Variants in SH2D6 observed in about 807,000 individuals in gnomAD.
The protein encoded by SH2D6 is SH2 domain-containing protein 6.
A neutral mutation model predicts 30.2 loss-of-function variants in SH2D6; 31 were observed. That is an observed-to-expected ratio of 1.03 (90% confidence interval 0.77 to 1.38). The LOEUF (loss-of-function observed/expected upper bound fraction) is 1.38, where lower values mean the gene tolerates loss of function less well. SH2D6 is among the 40% of genes most tolerant of loss of function. The pLI is 0.00. For missense variants in SH2D6, 240 were observed against 266.8 expected (o/e 0.90, Z 0.70); for synonymous variants, 93 against 104.6 (o/e 0.89, Z 0.68).
chr2:85,433,549 CA>C (rs1041554285), intron 15 of SH2D6, 21 bp from the exon 16 acceptor site: 1 of 993,468 alleles, frequency 1.0e-6, no homozygotes, highest in Non-Finnish European at 1.2e-6. Flanking sequence ...CCCATGGTCT[CA>C]CACACCCCTC....
chr2:85,432,692 G>A (rs1207854511), intron 14 of SH2D6, among the ~76,000 whole-genome samples: 2 of 151,950 alleles, frequency 1.3e-5, no homozygotes, highest in African/African-American at 4.8e-5. Flanking sequence ...GAGCCACCGC[G>A]CCCGGCCGAA....
rs751255189 is a variant in SH2D6, at chr2:85,436,537, C to T, written c.963C>T (p.Ser321=). The T allele has an allele frequency of 2.9e-5, 47 of 1,613,602 alleles. No homozygotes were observed. The highest frequency in any genetic ancestry group is 3.8e-5 in the Non-Finnish European group (45 of 1,179,964). ...WHPLPLVDRH[S]GSRELTCLLF... ...CTCTGCCCCTTGTGGACAGACACAG[C>T]GGCAGCCGGGAACTCACCTGCCTGC... The change falls in exon 23 of 24, where the codon AGC becomes AGT. Residue 321 remains serine (S), a synonymous_variant. Transcript: ENST00000469800.
In SH2D6 at chr2:85,418,875, C is replaced by G. The variant is rs1687647438; in HGVS notation, c.-848C>G. 6.6e-6 allele frequency: 1 copy of G among 152,500 alleles called. No individual in the cohort carries two copies. Among genetic ancestry groups the G allele is most frequent in the African/African-American group, 2.4e-5 (1 of 41,476 alleles). 9.4% of individuals were successfully genotyped at this position (152,500 alleles called of 1,614,324 possible). A position where few individuals can be genotyped will look rare whatever the true frequency, so the allele number is the denominator to read the frequency against. ...CACGCGCCCCTCTGCCCTGGAGTCG[C>G]TGGTCCGAGCCCTCCTTCTCTGCGA... On this transcript the variant is annotated 5_prime_UTR_variant, in exon 1 of 24. Coordinates refer to ENST00000469800, the MANE Select transcript of SH2D6 (RefSeq NM_001394463.1).
intron 6 of SH2D6, among the ~76,000 whole-genome samples, chr2:85,425,972 G>A (rs1688014448): frequency 1.3e-5 from 2 of 152,194 alleles, no homozygotes; most frequent in African/African-American, 4.8e-5. Context: ...TCTGCAATTG[G>A]AAACGAGGAT....
At chr2:85,434,707 C>T (rs1469418229) in intron 19 of SH2D6, 4 of 1,402,450 alleles carry the variant, frequency 2.9e-6, no homozygotes, top group Non-Finnish European at 3.8e-6. Flanking sequence ...CCCAGCCCTG[C>T]AGGCCAGACT....
chr2:85,434,200 C>T (rs1480566908), intron 17 of SH2D6, 89 bp downstream of exon 17: 4 of 1,519,218 alleles, frequency 2.6e-6, no homozygotes, highest in Non-Finnish European at 3.6e-6. Context: ...CCAGCCCTGA[C>T]CCTGGGATGG....
rs1043780229 is a variant in SH2D6 at position 85,430,005 on chromosome 2, C to A, written c.54C>A (p.Pro18=). 6.5e-6 allele frequency: 1 copy of A among 152,752 alleles called. No homozygotes were observed. Among genetic ancestry groups the A allele is most frequent in the Admixed American group, 6.5e-5 (1 of 15,288 alleles). 9.5% of individuals were successfully genotyped at this position (152,752 alleles called of 1,614,324 possible). The change falls in exon 10 of 24, where the codon CCC becomes CCA. Residue 18 remains proline (P), a synonymous_variant. Coordinates refer to ENST00000469800, the MANE Select transcript of SH2D6 (RefSeq NM_001394463.1). This position sits in a 1 kb window ranked among gnomAD's most constrained non-coding sequence, Gnocchi z 4.3. ...GGCTGGGGCCACCGCTCCCACCCCC[C>A]AGATGTGTGGGTAAGTGACACAGGG... is the stretch of plus-strand genomic sequence containing the variant. The part of the protein sequence containing the change: ...RPRLGPPLPP[P]RCVDSPGWRE...
At chr2:85,435,172 G>A (rs1158894448) in intron 20 of SH2D6, 49 bp downstream of exon 20, 1 of 1,571,614 alleles carries the variant, frequency 6.4e-7, no homozygotes. Context: ...CGGGAGCAGA[G>A]CCTGAGAGTC....
At position 85,435,178 on chromosome 2, in the gene SH2D6, G is replaced by A. The variant is rs1263126887; in HGVS notation, c.648+55G>A. On this transcript the variant is annotated intron_variant, in intron 20 of 23. Coordinates refer to ENST00000469800, the MANE Select transcript of SH2D6 (RefSeq NM_001394463.1). Reference sequence around the variant, plus strand: ...GAGAGGTTCCGGGAGCAGAGCCTGAGAGTCCTTACCCAGGAACCCTCTTGG... The same window carrying A: ...GAGAGGTTCCGGGAGCAGAGCCTGAAAGTCCTTACCCAGGAACCCTCTTGG... The A allele has an allele frequency of 3.2e-5, 50 of 1,562,872 alleles. 1 individual carries two copies. The Admixed American group carries it at 8.8e-4, about 27-fold the overall frequency.
intron 2 of SH2D6, among the ~76,000 whole-genome samples, 192 bp downstream of exon 2, chr2:85,419,436 A>G (rs1364732401): frequency 6.6e-6 from 1 of 152,216 alleles, no homozygotes; most frequent in Non-Finnish European, 1.5e-5. Flanking sequence ...CCAGGAACTC[A>G]GGGTCCGGCC....
At chr2:85,432,480 G>A (rs71411823) in intron 14 of SH2D6, among the ~76,000 whole-genome samples, 1,618 of 151,522 alleles carry the variant, frequency 0.011, 22 homozygotes, top group Non-Finnish European at 0.017. Flanking sequence ...GCTCACTGCA[G>A]GCTCCGCCCC....
Position 85,436,460 on chromosome 2 carries a change from G to A in SH2D6, c.892-6G>A, listed in dbSNP as rs1480759064. On this transcript the variant is annotated splice_polypyrimidine_tract_variant and splice_region_variant and intron_variant, in intron 22 of 23. Coordinates refer to ENST00000469800, the MANE Select transcript of SH2D6 (RefSeq NM_001394463.1). ...GGACTCACGGATGCCCTGCCTCCCT[G>A]GCCAGCTCTTCTCCTCCGTGGCGGC... 1 of 1,612,602 alleles carries A rather than the reference G, an allele frequency of 6.2e-7. No homozygotes were observed.
chr2:85,434,635 A>AC, intron 19 of SH2D6, 138 bp downstream of exon 19: 2 of 1,249,890 alleles, frequency 1.6e-6, no homozygotes, highest in South Asian at 1.5e-5. Flanking sequence ...AAAAAAAAAA[A>AC]CTAGGTGAAT....
At chr2:85,423,655 T>C (rs1167328590) in intron 5 of SH2D6, among the ~76,000 whole-genome samples, 4 of 152,196 alleles carry the variant, frequency 2.6e-5, no homozygotes, top group African/African-American at 9.7e-5. Flanking sequence ...CAGAGGCCTC[T>C]CCTAGGGAGC....
chr2:85,423,743 A>G (rs372979878), intron 5 of SH2D6, among the ~76,000 whole-genome samples: 1 of 152,254 alleles, frequency 6.6e-6, no homozygotes, highest in East Asian at 1.9e-4. Flanking sequence ...GACCTGTGAC[A>G]GCAGCAGGCG....
Position 85,435,784 on chromosome 2 carries a change from G to A in SH2D6, c.851G>A (p.Arg284His), listed in dbSNP as rs368611687. 3.7e-5 allele frequency: 59 copies of A among 1,604,862 alleles called. No homozygotes were observed. Among genetic ancestry groups the A allele is most frequent in the Non-Finnish European group, 4.5e-5 (53 of 1,175,924 alleles). ...CCCATCCGGCGGCTGGATGGCGGACGCCACTATGCCCTGGGCCGGGAGGGC... is the reference window on the plus strand; with the variant it reads ...CCCATCCGGCGGCTGGATGGCGGACACCACTATGCCCTGGGCCGGGAGGGC... ...NIPIRRLDGG[R>H]HYALGREGRN... is the part of the protein sequence containing the mutation. The change falls in exon 22 of 24, where the codon CGC (arginine) becomes CAC (histidine). Residue 284 changes from arginine to histidine, a missense_variant. Coordinates refer to ENST00000469800, the MANE Select transcript of SH2D6 (RefSeq NM_001394463.1).
At chr2:85,425,953 C>T (rs904889357) in intron 6 of SH2D6, among the ~76,000 whole-genome samples, 9 of 152,214 alleles carry the variant, frequency 5.9e-5, no homozygotes, top group Non-Finnish European at 1.2e-4. Flanking sequence ...GGGAAGGCCT[C>T]ACCTGGCTTC....
chr2:85,434,704 C>T, intron 19 of SH2D6: 2 of 1,403,612 alleles, frequency 1.4e-6, no homozygotes, highest in Non-Finnish European at 9.4e-7. Context: ...AGCCCCAGCC[C>T]TGCAGGCCAG....
At chr2:85,426,101 G>A (rs1047227304) in intron 6 of SH2D6, among the ~76,000 whole-genome samples, 1 of 152,054 alleles carries the variant, frequency 6.6e-6, no homozygotes, top group Non-Finnish European at 1.5e-5. Context: ...CTTCCTCCAC[G>A]TGCTGCGCTC....
Sources: gnomAD v4.1 joint callset for allele counts (sites outside exome capture counted in the v4.1 genomes callset) on GRCh38, gnomAD v4.1.1 for gene constraint, Gnocchi (gnomAD v3.1) non-coding constraint, MANE v1.5 for transcripts, NCBI Gene and HGNC (gene_info 2026-07-23, HGNC 2026-07-21) for gene names.